The following SEPTIN9 variants were observed in gnomAD, a reference collection of about 807,000 sequenced individuals.
The protein encoded by SEPTIN9 is septin-9.
A neutral mutation model predicts 56.6 loss-of-function variants in SEPTIN9; 13 were observed. The ratio of observed to expected loss-of-function variants is 0.23; its 90% CI spans 0.15 to 0.37. The LOEUF (loss-of-function observed/expected upper bound fraction) is 0.37. Ranked by LOEUF, SEPTIN9 falls within the 10% of genes least tolerant of loss-of-function variation. SEPTIN9 has a pLI of 1.00. For synonymous variants in SEPTIN9, 332 were observed against 334.1 expected, an observed-to-expected ratio of 0.99 and a Z score of 0.07; for missense variants, 650 against 823.1, an observed-to-expected ratio of 0.79 and a Z score of 2.57.
intron 2 of SEPTIN9, among the ~76,000 whole-genome samples, chr17:77,359,324 G>A (rs987118825): frequency 1.3e-5 from 2 of 152,322 alleles, no homozygotes; most frequent in Admixed American, 6.5e-5. Flanking sequence ...TATGAACAGA[G>A]CTGTGGCAGG....
intron 2 of SEPTIN9, among the ~76,000 whole-genome samples, chr17:77,387,075 G>A (rs759852714): frequency 4.6e-5 from 7 of 152,224 alleles, no homozygotes; most frequent in Non-Finnish European, 8.8e-5. Context: ...CTTAGCAGGG[G>A]AGGAGGGCCC....
chr17:77,414,056 A>G (rs1382008392), intron 3 of SEPTIN9, among the ~76,000 whole-genome samples: 3 of 149,524 alleles, frequency 2.0e-5, no homozygotes, highest in African/African-American at 7.4e-5. Context: ...CAAGTAAGCT[A>G]CTATACAATC....
At chr17:77,328,159 G>A (rs1437187124) in intron 2 of SEPTIN9, among the ~76,000 whole-genome samples, 4 of 100,414 alleles carry the variant, frequency 4.0e-5, no homozygotes, top group Non-Finnish European at 7.3e-5. Context: ...GGGTGTCCCC[G>A]TGCCCAGTGT....
intron 1 of SEPTIN9, among the ~76,000 whole-genome samples, chr17:77,305,294 C>T (rs1433420654): frequency 2.0e-5 from 3 of 152,132 alleles, no homozygotes; most frequent in Admixed American, 2.0e-4. Flanking sequence ...GGGCAGTTTG[C>T]CCAGCCCTGG....
chr17:77,331,832 G>A (rs1213596388), intron 2 of SEPTIN9, among the ~76,000 whole-genome samples: 2 of 152,216 alleles, frequency 1.3e-5, no homozygotes, highest in Non-Finnish European at 2.9e-5. Flanking sequence ...CTAACTGGGC[G>A]GGGAAAGGGA....
intron 3 of SEPTIN9, among the ~76,000 whole-genome samples, chr17:77,448,418 G>A (rs1051147907): frequency 6.6e-6 from 1 of 151,878 alleles, no homozygotes; most frequent in Non-Finnish European, 1.5e-5. Flanking sequence ...GGAGGTTGCA[G>A]TGAGCCAAGA....
At chr17:77,452,211 G>A (rs2038004897) in intron 3 of SEPTIN9, among the ~76,000 whole-genome samples, 1 of 152,228 alleles carries the variant, frequency 6.6e-6, no homozygotes, top group Admixed American at 6.5e-5. Flanking sequence ...CCATGCAGAG[G>A]CATGTCAGTG....
chr17:77,285,625 C>T (rs1003051132), intron 1 of SEPTIN9, among the ~76,000 whole-genome samples: 2 of 152,104 alleles, frequency 1.3e-5, no homozygotes, highest in African/African-American at 2.4e-5. Context: ...TCTCGAACTC[C>T]GGACCTCAGG....
chr17:77,374,701 C>G (rs111764685), intron 2 of SEPTIN9: 22 of 152,468 alleles, frequency 1.4e-4, no homozygotes, highest in African/African-American at 4.3e-4. Flanking sequence ...ATCTGGGTGT[C>G]CTGAGCCCAG....
At chr17:77,473,431 C>G (rs2039083525) in intron 3 of SEPTIN9, among the ~76,000 whole-genome samples, 1 of 152,116 alleles carries the variant, frequency 6.6e-6, no homozygotes, top group Non-Finnish European at 1.5e-5. Flanking sequence ...TGGGGTCTCG[C>G]TACGTTGCCC....
chr17:77,452,443 CCT>C (rs2038019259), intron 3 of SEPTIN9, among the ~76,000 whole-genome samples: 3 of 152,326 alleles, frequency 2.0e-5, no homozygotes, highest in Admixed American at 6.5e-5. Context: ...ATCCCTGGCC[CCT>C]CTCTCTTTGC....
chr17:77,396,135 TC>T (rs1210973875), intron 2 of SEPTIN9, among the ~76,000 whole-genome samples: 3 of 152,096 alleles, frequency 2.0e-5, no homozygotes, highest in Non-Finnish European at 4.4e-5. Flanking sequence ...AACCTCCTGC[TC>T]TATGGGTGGG....
At chr17:77,419,743 C>T (rs1193862807) in intron 3 of SEPTIN9, 3 of 152,460 alleles carry the variant, frequency 2.0e-5, no homozygotes, top group Admixed American at 2.0e-4. Context: ...GCAGCAAGTC[C>T]CGGTCACTGT....
rs115223899 is a variant in SEPTIN9, at chr17:77,345,177, T to C, written c.76+37980T>C. Among the ~76,000 whole-genome samples the C allele has an allele frequency of 4.4e-3, 671 of 151,838 alleles. 8 individuals carry two copies. Among genetic ancestry groups the C allele is most frequent in the African/African-American group, 0.015 (629 of 41,376 alleles). On this transcript the variant is annotated intron_variant, in intron 2 of 11. Coordinates refer to ENST00000427177, the MANE Select transcript of SEPTIN9 (RefSeq NM_001113491.2). ...AGAGGCTGGGGGAAGGGAGAATGAA[T>C]GGGAAGTTGGTGTTTAATGGGGATA...
At chr17:77,428,665 G>A (rs1482530005) in intron 3 of SEPTIN9, among the ~76,000 whole-genome samples, 3 of 152,166 alleles carry the variant, frequency 2.0e-5, no homozygotes, top group Admixed American at 6.5e-5. Flanking sequence ...GTCACACAGC[G>A]ACAGCTCAGG....
intron 3 of SEPTIN9, among the ~76,000 whole-genome samples, chr17:77,481,246 G>C (rs2039443580): frequency 6.6e-6 from 1 of 152,264 alleles, no homozygotes; most frequent in African/African-American, 2.4e-5. Flanking sequence ...ACAGACAGAA[G>C]AGGCTTTAGT....
chr17:77,388,381 C>G (rs1217509406), intron 2 of SEPTIN9, among the ~76,000 whole-genome samples: 2 of 152,184 alleles, frequency 1.3e-5, no homozygotes, highest in Non-Finnish European at 2.9e-5. Context: ...CCCACCACCC[C>G]CTTTTACCTG....
chr17:77,395,970 C>G (rs1055589452), intron 2 of SEPTIN9, among the ~76,000 whole-genome samples: 1 of 152,168 alleles, frequency 6.6e-6, no homozygotes, highest in Non-Finnish European at 1.5e-5. Context: ...AGAAGTGGGC[C>G]AAAGCACATG....
rs112639124 is a variant in SEPTIN9 at position 77,433,395 on chromosome 17, AC to A, written c.721+30700del. ...GGTCAGGGTGGGGCTGGGTGCGAGG[AC>A]CCCCCCCGGCCAACAGGGTCTGCTT... On this transcript the variant is annotated intron_variant, in intron 3 of 11. Transcript: ENST00000427177. The surrounding 1 kb of genome is among the most constrained non-coding windows in gnomAD (Gnocchi z 6.4). Among the ~76,000 whole-genome samples, 112 of 148,876 alleles carry A rather than the reference AC, an allele frequency of 7.5e-4. No individual in the cohort carries two copies. In the South Asian group the frequency reaches 8.2e-3, roughly 11 times the overall value.
Sources: allele counts gnomAD v4.1 joint callset (sites outside exome capture counted in the v4.1 genomes callset), GRCh38; gene constraint gnomAD v4.1.1; non-coding constraint Gnocchi (gnomAD v3.1); transcripts MANE v1.5; gene names NCBI Gene and HGNC (gene_info 2026-07-23, HGNC 2026-07-21).